Variants in FBXL4 observed in about 807,000 individuals in gnomAD.
FBXL4 encodes F-box/LRR-repeat protein 4.
In FBXL4, 40 loss-of-function variants were observed where a neutral mutation model predicts 58.9. The ratio of observed to expected loss-of-function variants is 0.68; its 90% confidence interval spans 0.53 to 0.88. The LOEUF (loss-of-function observed/expected upper bound fraction) is 0.88. Ranked by LOEUF, FBXL4 falls within the 40% of genes least tolerant of loss-of-function variation. The pLI is 0.00. For synonymous variants in FBXL4, 263 were observed against 265.5 expected, an observed-to-expected ratio of 0.99 and a Z score of 0.09; for missense variants, 676 against 734.4, an observed-to-expected ratio of 0.92 and a Z score of 0.92.
chr6:98,894,471 A>G (rs195845), intron 7 of FBXL4, among the ~76,000 whole-genome samples: 24,342 of 152,006 alleles, frequency 0.16, 2,255 homozygotes, highest in African/African-American at 0.26. Context: ...AAATTACCCT[A>G]TTTACCAACC....
intron 1 of FBXL4, among the ~76,000 whole-genome samples, chr6:98,938,101 T>C (rs1370535568): frequency 1.3e-5 from 2 of 150,588 alleles, no homozygotes; most frequent in Admixed American, 1.3e-4. Flanking sequence ...TGATTGGTTC[T>C]GTCATATATC....
At position 98,874,237 on chromosome 6, in the gene FBXL4, C is replaced by A. The variant is rs1326114224; in HGVS notation, c.*41G>T. ...CCAAAACCAATCCCAAAATTAAACC[C>A]CAACAAAGCACATTAATTTTAATAC... On this transcript the variant is annotated 3_prime_UTR_variant, in exon 10 of 10. Coordinates refer to ENST00000369244, the MANE Select transcript of FBXL4 (RefSeq NM_001278716.2). 4 of 1,438,696 alleles carry A rather than the reference C, an allele frequency of 2.8e-6. No homozygotes were observed. The highest frequency in any genetic ancestry group is 3.7e-6 in the Non-Finnish European group (4 of 1,087,472). The allele number at this position is 1,438,696 out of a possible 1,614,324, so 89.1% of individuals were successfully genotyped here.
intron 6 of FBXL4, among the ~76,000 whole-genome samples, chr6:98,903,790 G>T (rs1171588643): frequency 6.6e-6 from 1 of 152,000 alleles, no homozygotes; most frequent in Non-Finnish European, 1.5e-5. Flanking sequence ...AGCCATTCAC[G>T]ACTAATATTT....
intron 4 of FBXL4, among the ~76,000 whole-genome samples, chr6:98,924,232 T>C (rs924217594): frequency 1.3e-5 from 2 of 152,148 alleles, no homozygotes; most frequent in Non-Finnish European, 2.9e-5. Flanking sequence ...GTAAGAAGAA[T>C]GTCAGAGTCC....
chr6:98,917,431 G>T lies in FBXL4; in HGVS notation c.801C>A (p.Ser267Arg). The change falls in exon 5 of 10, where the codon AGC becomes AGA. Residue 267 changes from serine to arginine, a missense_variant. Transcript: ENST00000369244. ...TTGGCCCTTCCCCGAGGACAGCACT[G>T]CTAAACTTTTTGTTAAGACTGTCCA... The part of the protein sequence containing the change: ...CGMDSLNKKF[S>R]SAVLGEGPNN... 1.9e-6 allele frequency: 3 copies of T among 1,613,838 alleles called. No individual in the cohort carries two copies. Among genetic ancestry groups the T allele is most frequent in the Non-Finnish European group, 2.5e-6 (3 of 1,179,862 alleles).
At chr6:98,885,470 C>T (rs1156378007) in intron 7 of FBXL4, among the ~76,000 whole-genome samples, 1 of 152,170 alleles carries the variant, frequency 6.6e-6, no homozygotes, top group African/African-American at 2.4e-5. Context: ...GAATAAAGCA[C>T]ATTGCCCTAC....
At chr6:98,945,735 T>A (rs2064147) in intron 1 of FBXL4, among the ~76,000 whole-genome samples, 1 of 152,140 alleles carries the variant, frequency 6.6e-6, no homozygotes, top group African/African-American at 2.4e-5. Context: ...CATTTTTCTC[T>A]TAGAAACCAG....
At position 98,916,643 on chromosome 6, in the gene FBXL4, G is replaced by T. The variant is rs541168759; in HGVS notation, c.858+731C>A. The stretch of plus-strand genomic sequence containing the variant: ...TGAGAACACATGGACACAGGAAGGG[G>T]AACATCACGCTCTGGGGACTGTTGT... On this transcript the variant is annotated intron_variant, in intron 5 of 9. Coordinates refer to ENST00000369244, the MANE Select transcript of FBXL4 (RefSeq NM_001278716.2). Among the ~76,000 whole-genome samples the T allele has an allele frequency of 3.9e-5, 6 of 152,016 alleles. No homozygotes were observed. The South Asian group carries it at 1.2e-3, about 32-fold the overall frequency.
intron 1 of FBXL4, among the ~76,000 whole-genome samples, chr6:98,940,909 G>A (rs377269914): frequency 9.4e-4 from 143 of 152,318 alleles, no homozygotes; most frequent in African/African-American, 3.4e-3. Context: ...CCTGGGAAGA[G>A]TTAACTACAA....
chr6:98,941,574 C>G (rs1291664098), intron 1 of FBXL4, among the ~76,000 whole-genome samples: 5 of 152,152 alleles, frequency 3.3e-5, no homozygotes, highest in Admixed American at 6.6e-5. Context: ...TGTCTGTTCT[C>G]TTTAAAGATA....
intron 5 of FBXL4, among the ~76,000 whole-genome samples, chr6:98,908,470 TTG>T (rs1771900352): frequency 6.6e-6 from 1 of 152,190 alleles, no homozygotes; most frequent in Non-Finnish European, 1.5e-5. Context: ...TGCAATATCA[TTG>T]TGTGTATGTA....
At chr6:98,878,642 T>A (rs1352880281) in intron 8 of FBXL4, among the ~76,000 whole-genome samples, 2 of 152,232 alleles carry the variant, frequency 1.3e-5, no homozygotes, top group East Asian at 3.9e-4. Context: ...ATTATAAGCA[T>A]ATATATAATT....
chr6:98,899,678 G>A (rs1241194317), intron 6 of FBXL4, among the ~76,000 whole-genome samples, 197 bp from the exon 7 acceptor site: 1 of 152,032 alleles, frequency 6.6e-6, no homozygotes, highest in Non-Finnish European at 1.5e-5. Flanking sequence ...ATCAACTTGA[G>A]AGAACAAAAT....
At chr6:98,920,809 T>TACACACAC (rs1210824270) in intron 4 of FBXL4, among the ~76,000 whole-genome samples, 2 of 103,016 alleles carry the variant, frequency 1.9e-5, no homozygotes, top group African/African-American at 8.9e-5. Context: ...TACATATGGG[T>TACACACAC]ACACACACAT....
At chr6:98,914,221 G>A (rs1032903945) in intron 5 of FBXL4, among the ~76,000 whole-genome samples, 56 of 152,078 alleles carry the variant, frequency 3.7e-4, no homozygotes, top group African/African-American at 9.2e-4. Flanking sequence ...ATTCACAGCC[G>A]AATTTTATCA....
chr6:98,935,809 G>T (rs199951273), intron 1 of FBXL4, among the ~76,000 whole-genome samples: 1 of 86,812 alleles, frequency 1.2e-5, no homozygotes, highest in South Asian at 3.6e-4. Context: ...AAAAAAAAAA[G>T]AATAAGGCAT....
At chr6:98,877,122 T>C (rs1770690239) in intron 8 of FBXL4, among the ~76,000 whole-genome samples, 1 of 152,082 alleles carries the variant, frequency 6.6e-6, no homozygotes, top group African/African-American at 2.4e-5. Context: ...TGGGGCTGCA[T>C]TTTTGAGTTA....
At chr6:98,903,872 T>C (rs987171174) in intron 6 of FBXL4, among the ~76,000 whole-genome samples, 7 of 152,198 alleles carry the variant, frequency 4.6e-5, no homozygotes, top group Admixed American at 3.3e-4. Context: ...TTTATATGTT[T>C]ATCTTAATAT....
chr6:98,872,016 A>G lies in FBXL4; in HGVS notation c.*2262T>C, dbSNP rs1434207649. ...AAGGCAAAACGTGTTTACAAGCAAA[A>G]CATAAGTCATTTTGATGACAACATT... On this transcript the variant is annotated 3_prime_UTR_variant, in exon 10 of 10. Coordinates refer to ENST00000369244, the MANE Select transcript of FBXL4 (RefSeq NM_001278716.2). The G allele has an allele frequency of 6.6e-6, 1 of 152,230 alleles. No individual in the cohort carries two copies. Among genetic ancestry groups the G allele is most frequent in the Non-Finnish European group, 1.5e-5 (1 of 68,038 alleles). 9.4% of individuals were successfully genotyped at this position (152,230 alleles called of 1,614,324 possible).
Sources: gnomAD v4.1 joint callset for allele counts (sites outside exome capture counted in the v4.1 genomes callset) on GRCh38, gnomAD v4.1.1 for gene constraint, MANE v1.5 for transcripts, NCBI Gene and HGNC (gene_info 2026-07-23, HGNC 2026-07-21) for gene names.